Variants in LITAF observed in about 807,000 individuals in gnomAD.
LITAF encodes lipopolysaccharide-induced tumor necrosis factor-alpha factor.
LITAF carries 9 observed loss-of-function variants against 14.5 expected under a neutral mutation model. That is an observed-to-expected ratio of 0.62 (90% CI 0.37 to 1.08). LITAF has a LOEUF of 1.08. LITAF is among the 50% of genes least tolerant of loss of function. The pLI, the probability that LITAF is intolerant of heterozygous loss-of-function variation, is 0.01. For synonymous variants in LITAF, 98 were observed against 88.2 expected (o/e 1.11, Z -0.62); for missense variants, 206 against 213.4 (o/e 0.97, Z 0.22).
chr16:11,579,248 G>A (rs1039729358), intron 1 of LITAF, among the ~76,000 whole-genome samples: 3 of 151,662 alleles, frequency 2.0e-5, no homozygotes, highest in African/African-American at 4.8e-5. Context: ...TCAGGAGATC[G>A]AGACCATCCT....
intron 2 of LITAF, chr16:11,633,749 C>T (rs1450459667): frequency 1.3e-5 from 2 of 152,326 alleles, no homozygotes; most frequent in East Asian, 3.9e-4. Context: ...GCTGCTCTGT[C>T]TAAGGAGTGG....
At chr16:11,588,858 T>C (rs2064831939), upstream of LITAF, among the ~76,000 whole-genome samples, 1 of 149,990 alleles carries the variant, frequency 6.7e-6, no homozygotes, top group African/African-American at 2.5e-5. Context: ...CTTTTCTCCT[T>C]CCTTCCTTCC....
In LITAF at chr16:11,551,660, C is replaced by T. The variant is rs922631568; in HGVS notation, c.377+1873G>A. On this transcript the variant is annotated intron_variant, in intron 3 of 3. Transcript: ENST00000622633. The stretch of plus-strand genomic sequence containing the variant: ...ACATAGTAAAACCCCTGCTTCCACA[C>T]ACACAAAAAAAAAATTTAAAAATTA... 4 of 600,634 alleles carry T rather than the reference C, an allele frequency of 6.7e-6. No homozygotes were observed. The African/African-American group carries it at 8.1e-5, about 12-fold the overall frequency. The allele number at this position is 600,634 out of a possible 1,614,324, so 37.2% of individuals were successfully genotyped here.
chr16:11,599,508 G>A (rs1479525347), upstream of LITAF, among the ~76,000 whole-genome samples: 2 of 152,150 alleles, frequency 1.3e-5, no homozygotes, highest in Non-Finnish European at 1.5e-5. Context: ...TGGAACTCAT[G>A]TGTTTCCAGA....
intron 1 of LITAF, among the ~76,000 whole-genome samples, chr16:11,580,591 G>A (rs1298009188): frequency 1.3e-5 from 2 of 151,944 alleles, no homozygotes; most frequent in Non-Finnish European, 2.9e-5. Context: ...ACTGAAGGTC[G>A]ACACCTGGTC....
At chr16:11,576,266 C>T (rs938442523) in intron 1 of LITAF, among the ~76,000 whole-genome samples, 7 of 152,036 alleles carry the variant, frequency 4.6e-5, no homozygotes, top group African/African-American at 1.7e-4. Context: ...GTCAGGAGTT[C>T]GAGACCAGCC....
At chr16:11,637,584 C>T (rs1464779460), upstream of LITAF, among the ~76,000 whole-genome samples, 3 of 152,226 alleles carry the variant, frequency 2.0e-5, no homozygotes, top group South Asian at 2.1e-4. Context: ...GCACACAGCA[C>T]GTGCACAAGC....
intron 1 of LITAF, among the ~76,000 whole-genome samples, chr16:11,564,800 C>T (rs865824684): frequency 1.3e-5 from 2 of 152,114 alleles, no homozygotes; most frequent in African/African-American, 4.8e-5. Context: ...CAAAAGGCTA[C>T]AGATCAAATG....
intron 3 of LITAF, among the ~76,000 whole-genome samples, chr16:11,623,342 A>G (rs943765039): frequency 3.3e-5 from 5 of 152,044 alleles, no homozygotes; most frequent in Admixed American, 6.6e-5. Flanking sequence ...GGCATGGCTG[A>G]ATCCAGGAGC....
chr16:11,553,409 T>G lies in LITAF; in HGVS notation c.377+124A>C. 1 of 1,102,894 alleles carries G rather than the reference T, an allele frequency of 9.1e-7. No individual in the cohort carries two copies. The highest frequency in any genetic ancestry group is 1.3e-6 in the Non-Finnish European group (1 of 756,824). The allele number at this position is 1,102,894 out of a possible 1,614,324, so 68.3% of individuals were successfully genotyped here. A position where few individuals can be genotyped will look rare whatever the true frequency, so the allele number is the denominator to read the frequency against. On this transcript the variant is annotated intron_variant, in intron 3 of 3. Coordinates refer to ENST00000622633, the MANE Select transcript of LITAF (RefSeq NM_001136472.2). This position sits in a 1 kb window ranked among gnomAD's most constrained non-coding sequence, Gnocchi z 7.7. The stretch of plus-strand genomic sequence containing the variant: ...CTGGGCGACAGAACCAGATTCCATC[T>G]CAAAAAAAAACAACACAAATGTCTG...
At position 11,632,782 on chromosome 16, in the gene LITAF, G is replaced by A. The variant is rs2065124076; in HGVS notation, c.85+751C>T. Among the ~76,000 whole-genome samples, 9 of 152,312 alleles carry A rather than the reference G, an allele frequency of 5.9e-5. No homozygotes were observed. In the South Asian group the frequency reaches 1.7e-3, roughly 28 times the overall value. ...TGCACATGACTATGTGGTGCCCTCA[G>A]CCCCCGCACGGGTCAGAGTTTTCCG... On this transcript the variant is annotated intron_variant, in intron 3 of 3. Transcript: ENST00000574848. The surrounding 1 kb of genome is among the most constrained non-coding windows in gnomAD (Gnocchi z 4.8).
chr16:11,639,522 A>G (rs1326851622), upstream of LITAF, among the ~76,000 whole-genome samples: 2 of 152,030 alleles, frequency 1.3e-5, no homozygotes, highest in Non-Finnish European at 2.9e-5. Context: ...ACAAAATGTT[A>G]TCTGGGTGAT....
chr16:11,637,928 AT>A (rs2065145432), upstream of LITAF, among the ~76,000 whole-genome samples: 1 of 92,118 alleles, frequency 1.1e-5, no homozygotes, highest in Non-Finnish European at 2.1e-5. Flanking sequence ...ATCTATATCT[AT>A]ATCTATATCT....
intron 3 of LITAF, among the ~76,000 whole-genome samples, chr16:11,603,554 A>G (rs1162028727): frequency 6.6e-6 from 1 of 152,206 alleles, no homozygotes; most frequent in African/African-American, 2.4e-5. Flanking sequence ...TTAGCCTGGG[A>G]ATGGCTGGAA....
Position 11,556,527 on chromosome 16 carries a change from G to A in LITAF, c.204C>T (p.Ile68=). Residue 68 remains isoleucine (I), a synonymous_variant, in exon 2 of 4, where the codon ATC becomes ATT. Transcript: ENST00000622633. ...CACACGTACTTGGATTGTTATTGGG[G>A]ATGGGCGCTGGCTGGGTATAATACG... ...PPSYYTQPAP[I]PNNNPITVQT... 1 of 1,613,940 alleles carries A rather than the reference G, an allele frequency of 6.2e-7. No homozygotes were observed. Among genetic ancestry groups the A allele is most frequent in the East Asian group, 2.2e-5 (1 of 44,888 alleles).
At chr16:11,582,443 C>T (rs1040426206) in intron 1 of LITAF, among the ~76,000 whole-genome samples, 2 of 151,518 alleles carry the variant, frequency 1.3e-5, no homozygotes, top group African/African-American at 4.9e-5. Context: ...ATCAGATCAA[C>T]ACATAAAAGG....
In LITAF at chr16:11,634,571, G is replaced by A. The variant is rs923373084; in HGVS notation, c.-20-934C>T. ...TCGGCCTTTTGAAACGTCTTCTCAG[G>A]TTTTTGCATTTCTGACGATCCACTG... On this transcript the variant is annotated intron_variant, in intron 2 of 3. Coordinates refer to the LITAF transcript ENST00000574848. The surrounding 1 kb of genome is among the most constrained non-coding windows in gnomAD (Gnocchi z 4.1). 2.0e-5 allele frequency among the ~76,000 whole-genome samples: 3 copies of A among 152,122 alleles called. No homozygotes were observed. Among genetic ancestry groups the A allele is most frequent in the African/African-American group, 7.2e-5 (3 of 41,426 alleles).
intron 1 of LITAF, chr16:11,598,359 C>T (rs528153755): frequency 2.0e-5 from 3 of 151,530 alleles, no homozygotes; most frequent in African/African-American, 7.3e-5. Flanking sequence ...AAAAGAACCT[C>T]CTTGTCTAGG....
upstream of LITAF, among the ~76,000 whole-genome samples, chr16:11,591,618 A>C (rs1359737734): frequency 2.0e-5 from 3 of 152,212 alleles, no homozygotes. Context: ...ATGATCAATG[A>C]ATGCCAAGAC....
Sources: gnomAD v4.1 joint callset for allele counts (sites outside exome capture counted in the v4.1 genomes callset) on GRCh38, gnomAD v4.1.1 for gene constraint, Gnocchi (gnomAD v3.1) non-coding constraint, MANE v1.5 for transcripts, NCBI Gene and HGNC (gene_info 2026-07-23, HGNC 2026-07-21) for gene names.